Variants in DNAJC10 observed in about 807,000 individuals in gnomAD.
The protein encoded by DNAJC10 is DnaJ heat shock protein family (Hsp40) member C10.
Under a neutral mutation model 115.0 loss-of-function variants are expected in DNAJC10, and 101 were observed. The ratio of observed to expected loss-of-function variants is 0.88; its 90% CI spans 0.75 to 1.04. The LOEUF is 1.04. Ranked by LOEUF, DNAJC10 falls within the 50% of genes least tolerant of loss-of-function variation. The pLI, the probability that DNAJC10 is intolerant of heterozygous loss-of-function variation, is 0.00. For missense variants in DNAJC10, 981 were observed against 928.8 expected, an observed-to-expected ratio of 1.06 and a Z score of -0.73; for synonymous variants, 307 against 301.5, an observed-to-expected ratio of 1.02 and a Z score of -0.19.
At position 182,777,420 on chromosome 2, in the gene DNAJC10, C is replaced by G. The variant is rs1694737079; in HGVS notation, c.*288C>G. On this transcript the variant is annotated 3_prime_UTR_variant, in exon 24 of 24. Transcript: ENST00000264065. ...TTCTTTGTTATTTGCTTTTAACAACCTTTAAAAAATATTAAAACGATTCTT... is the reference window on the plus strand; with the variant it reads ...TTCTTTGTTATTTGCTTTTAACAACGTTTAAAAAATATTAAAACGATTCTT... The G allele has an allele frequency of 9.0e-6, 2 of 222,116 alleles. No individual in the cohort carries two copies. The highest frequency in any genetic ancestry group is 1.1e-4 in the Admixed American group (2 of 17,582). The allele number at this position is 222,116 out of a possible 1,614,324, so 13.8% of individuals were successfully genotyped here.
rs1574926043 is a variant in DNAJC10 at position 182,732,709 on chromosome 2, A to G, written c.849+167A>G. The G allele has an allele frequency of 5.0e-6, 3 of 601,836 alleles. No homozygotes were observed. In the East Asian group the frequency reaches 9.0e-5, roughly 18 times the overall value. The allele number at this position is 601,836 out of a possible 1,614,324, so 37.3% of individuals were successfully genotyped here. On this transcript the variant is annotated intron_variant, in intron 10 of 23. Transcript: ENST00000264065. Reference sequence around the variant, plus strand: ...GCTATGTGTTTTTTCCTGAATAATTAGTTACGTTCAATAAATTTTAACGTG... The same window carrying G: ...GCTATGTGTTTTTTCCTGAATAATTGGTTACGTTCAATAAATTTTAACGTG...
At chr2:182,729,772 A>G in intron 7 of DNAJC10, 76 bp from the exon 8 acceptor site, 1 of 918,958 alleles carries the variant, frequency 1.1e-6, no homozygotes, top group Non-Finnish European at 1.7e-6. Flanking sequence ...GTAAAAATCA[A>G]ACTCTTTGGT....
chr2:182,760,893 A>T (rs1442543471), intron 21 of DNAJC10, among the ~76,000 whole-genome samples: 1 of 152,112 alleles, frequency 6.6e-6, no homozygotes, highest in Non-Finnish European at 1.5e-5. Context: ...TAATCTTCTT[A>T]TGCTTCCTTC....
chr2:182,768,395 T>G (rs1224034946), intron 22 of DNAJC10, among the ~76,000 whole-genome samples: 1 of 152,142 alleles, frequency 6.6e-6, no homozygotes, highest in Non-Finnish European at 1.5e-5. Context: ...CAGAGCTGTT[T>G]GAAAAGATGT....
chr2:182,725,773 C>A (rs1396889837), intron 5 of DNAJC10, among the ~76,000 whole-genome samples: 4 of 152,108 alleles, frequency 2.6e-5, no homozygotes, highest in African/African-American at 9.7e-5. Context: ...AGCAAGTTTT[C>A]CAGAAGATCT....
chr2:182,749,162 T>A (rs989696195), intron 14 of DNAJC10, among the ~76,000 whole-genome samples: 6 of 150,176 alleles, frequency 4.0e-5, no homozygotes, highest in Non-Finnish European at 3.0e-5. Context: ...TCTGTAGATG[T>A]CTATTAGGTC....
intron 22 of DNAJC10, among the ~76,000 whole-genome samples, chr2:182,765,044 G>A (rs901166836): frequency 1.1e-4 from 16 of 152,090 alleles, no homozygotes; most frequent in African/African-American, 3.4e-4. Context: ...CACTTATATC[G>A]CCAGTCCGTA....
At position 182,791,790 on chromosome 2, in the gene DNAJC10, TACATG is replaced by T. The variant is rs747209981; in HGVS notation, c.*14660_*14664del. On this transcript the variant is annotated 3_prime_UTR_variant, in exon 24 of 24. Coordinates refer to ENST00000264065, the MANE Select transcript of DNAJC10 (RefSeq NM_018981.4). ...AGTCATTTCAGTCACATGTTTCTAA[TACATG>T]ATAAGATTTGCAGTTATCGTTTAAT... 2.0e-5 allele frequency: 3 copies of T among 152,168 alleles called. No individual in the cohort carries two copies. The highest frequency in any genetic ancestry group is 6.5e-5 in the Admixed American group (1 of 15,268). The allele number at this position is 152,168 out of a possible 1,614,324, so 9.4% of individuals were successfully genotyped here. A position where few individuals can be genotyped will look rare whatever the true frequency, so the allele number is the denominator to read the frequency against.
intron 7 of DNAJC10, 129 bp from the exon 8 acceptor site, chr2:182,729,719 C>G (rs971226734): frequency 9.9e-5 from 51 of 517,088 alleles, no homozygotes; most frequent in Non-Finnish European, 1.6e-4. Context: ...GAAATACATT[C>G]TGCTATTGAG....
chr2:182,764,925 T>A (rs180739205), intron 22 of DNAJC10, among the ~76,000 whole-genome samples: 44 of 152,300 alleles, frequency 2.9e-4, no homozygotes, highest in African/African-American at 8.7e-4. Context: ...TAGTCTGATC[T>A]GCAGACATAA....
At chr2:182,773,895 TGGA>T (rs1355194826) in intron 22 of DNAJC10, among the ~76,000 whole-genome samples, 2 of 152,372 alleles carry the variant, frequency 1.3e-5, no homozygotes, top group East Asian at 1.9e-4. Context: ...TGCAATCCTT[TGGA>T]GGAGAAGAGG....
intron 16 of DNAJC10, among the ~76,000 whole-genome samples, chr2:182,753,955 A>C (rs892971159): frequency 6.6e-6 from 1 of 152,182 alleles, no homozygotes; most frequent in African/African-American, 2.4e-5. Context: ...ATTTAAAACT[A>C]TGATATCGAT....
intron 21 of DNAJC10, among the ~76,000 whole-genome samples, chr2:182,760,276 G>A (rs1451787798): frequency 1.3e-5 from 2 of 152,132 alleles, no homozygotes; most frequent in African/African-American, 4.8e-5. Context: ...GCCCTTCTCA[G>A]TTAATCAGTG....
intron 14 of DNAJC10, among the ~76,000 whole-genome samples, chr2:182,744,921 C>A (rs1574936376): frequency 6.6e-6 from 1 of 152,090 alleles, no homozygotes; most frequent in Non-Finnish European, 1.5e-5. Flanking sequence ...CTCAGACCCC[C>A]CCTCTTCTCT....
chr2:182,752,506 C>A, intron 16 of DNAJC10: 1 of 570,038 alleles, frequency 1.8e-6, no homozygotes, highest in Non-Finnish European at 2.2e-6. Flanking sequence ...ATATTTTTGA[C>A]ATTTTATAAT....
intron 5 of DNAJC10, among the ~76,000 whole-genome samples, chr2:182,726,878 T>C (rs1693298472): frequency 1.3e-5 from 2 of 149,232 alleles, no homozygotes; most frequent in African/African-American, 5.2e-5. Context: ...ACTGCGGGCA[T>C]GTGCCACCAT....
chr2:182,766,694 A>G (rs80223913), intron 22 of DNAJC10, among the ~76,000 whole-genome samples: 3,971 of 152,228 alleles, frequency 0.026, 74 homozygotes, highest in East Asian at 0.1. Context: ...GCATATTAGG[A>G]AGACTGTCAT....
rs1189444533 is a variant in DNAJC10 at position 182,793,692 on chromosome 2, GT to G, written c.*16563del. 1 of 152,114 alleles carries G rather than the reference GT, an allele frequency of 6.6e-6. No homozygotes were observed. The highest frequency in any genetic ancestry group is 2.4e-5 in the African/African-American group (1 of 41,498). The allele number at this position is 152,114 out of a possible 1,614,324, so 9.4% of individuals were successfully genotyped here. A position where few individuals can be genotyped will look rare whatever the true frequency, so the allele number is the denominator to read the frequency against. On this transcript the variant is annotated 3_prime_UTR_variant, in exon 24 of 24. Coordinates refer to ENST00000264065, the MANE Select transcript of DNAJC10 (RefSeq NM_018981.4). ...CTATATAATCCTAAATTAGGTTTCAGTTTATTTAAGTACTAAATTAGGTTGC... is the reference window on the plus strand; with the variant it reads ...CTATATAATCCTAAATTAGGTTTCAGTTATTTAAGTACTAAATTAGGTTGC...
Position 182,726,324 on chromosome 2 carries a change from C to T in DNAJC10, c.419-2252C>T, listed in dbSNP as rs952598022. On this transcript the variant is annotated intron_variant, in intron 5 of 23. Transcript: ENST00000264065. ...TCATTATAATAATCTCACCATGGGG[C>T]GGTGAGGAGTTGTTCCTTATGGATG... Among the ~76,000 whole-genome samples the T allele has an allele frequency of 3.9e-5, 6 of 152,062 alleles. No individual in the cohort carries two copies. In the Middle Eastern group the frequency reaches 0.01, roughly 259 times the overall value.
Sources: allele counts gnomAD v4.1 joint callset (sites outside exome capture counted in the v4.1 genomes callset), GRCh38; gene constraint gnomAD v4.1.1; transcripts MANE v1.5; gene names NCBI Gene and HGNC (gene_info 2026-07-23, HGNC 2026-07-21).